TENM2: variants seen among roughly 807,000 people sequenced by gnomAD.
The protein encoded by TENM2 is teneurin-2.
Under a neutral mutation model 245.2 loss-of-function variants are expected in TENM2, and 52 were observed. That is an observed-to-expected ratio of 0.21 (90% CI 0.17 to 0.27). TENM2 has a LOEUF of 0.27. Ranked by LOEUF, TENM2 falls within the 10% of genes least tolerant of loss-of-function variation. TENM2 has a pLI of 1.00. For missense variants in TENM2, 3,046 were observed against 3,666.8 expected (o/e 0.83, Z 4.37); for synonymous variants, 1,363 against 1,438.9 (o/e 0.95, Z 1.19).
intron 3 of TENM2, among the ~76,000 whole-genome samples, chr5:167,884,317 G>A (rs890690063): frequency 6.6e-6 from 1 of 152,078 alleles, no homozygotes; most frequent in Non-Finnish European, 1.5e-5. Context: ...CTTTAAGTAT[G>A]TTCACATTGT....
At chr5:167,893,759 G>C (rs1193201348) in intron 3 of TENM2, among the ~76,000 whole-genome samples, 2 of 151,972 alleles carry the variant, frequency 1.3e-5, no homozygotes, top group Non-Finnish European at 2.9e-5. Context: ...AATCATTCAA[G>C]TATGGGATGC....
intron 2 of TENM2, among the ~76,000 whole-genome samples, chr5:167,445,902 T>A (rs1447488594): frequency 1.3e-5 from 2 of 152,156 alleles, no homozygotes; most frequent in Non-Finnish European, 2.9e-5. Context: ...CAGTCTGGCC[T>A]GGTTTCTTCT....
At chr5:167,962,836 CCATGACA>C (rs565438864) in intron 4 of TENM2, among the ~76,000 whole-genome samples, 4 of 152,234 alleles carry the variant, frequency 2.6e-5, no homozygotes, top group African/African-American at 9.6e-5. Context: ...TGGGTCCCTC[CCATGACA>C]CATGGGAATT....
chr5:167,255,407 T>C, the TENM2 span, among the ~76,000 whole-genome samples: 1 of 152,150 alleles, frequency 6.6e-6, no homozygotes, highest in Admixed American at 6.6e-5. Flanking sequence ...GGGTGATTGC[T>C]AAAAGCCCAT....
At chr5:167,927,010 A>C (rs1394149111) in intron 3 of TENM2, among the ~76,000 whole-genome samples, 2 of 152,076 alleles carry the variant, frequency 1.3e-5, no homozygotes, top group Non-Finnish European at 2.9e-5. Context: ...TGATATTTTT[A>C]ATTTTTAATT....
intron 1 of TENM2, among the ~76,000 whole-genome samples, chr5:167,318,920 T>C (rs1756544283): frequency 6.6e-6 from 1 of 152,204 alleles, no homozygotes; most frequent in Non-Finnish European, 1.5e-5. Flanking sequence ...TTCCATTAAG[T>C]TGATAGAACG....
intron 2 of TENM2, among the ~76,000 whole-genome samples, chr5:167,460,266 A>G (rs1187922113): frequency 6.6e-6 from 1 of 152,218 alleles, no homozygotes; most frequent in African/African-American, 2.4e-5. Context: ...TGTTTATGAT[A>G]TCTTAAATGT....
At chr5:167,892,959 A>T (rs1774878338) in intron 3 of TENM2, among the ~76,000 whole-genome samples, 1 of 152,184 alleles carries the variant, frequency 6.6e-6, no homozygotes, top group Non-Finnish European at 1.5e-5. Context: ...TGAACAGTGG[A>T]ATCAGCACTC....
chr5:167,507,976 G>A (rs1323190652), intron 2 of TENM2, among the ~76,000 whole-genome samples: 2 of 152,038 alleles, frequency 1.3e-5, no homozygotes, highest in African/African-American at 4.8e-5. Context: ...TTAGCGGAAT[G>A]AGAAATTACT....
chr5:168,162,364 C>T (rs1005736433), intron 12 of TENM2, among the ~76,000 whole-genome samples: 4 of 152,240 alleles, frequency 2.6e-5, no homozygotes, highest in Admixed American at 6.5e-5. Flanking sequence ...TTGAACTCCC[C>T]GCTTTGGGAA....
chr5:168,210,298 T>C (rs770631485), intron 19 of TENM2, among the ~76,000 whole-genome samples: 1 of 152,066 alleles, frequency 6.6e-6, no homozygotes, highest in Non-Finnish European at 1.5e-5. Context: ...CCCTTCTCCT[T>C]CCCCCAACAT....
intron 3 of TENM2, among the ~76,000 whole-genome samples, chr5:167,920,341 G>A (rs11949542): frequency 0.28 from 38,590 of 135,932 alleles, 6,311 homozygotes; most frequent in East Asian, 0.47. Context: ...AAAAAAAAAA[G>A]AAAAAAAAAG....
chr5:168,199,872 T>C, exon 17 of TENM2: 1 of 1,613,758 alleles, frequency 6.2e-7, no homozygotes, highest in Non-Finnish European at 8.5e-7. Flanking sequence ...AGGTTCTTCA[T>C]GAAGAAATCG....
In TENM2 at chr5:168,195,307, T is replaced by C. The variant is rs187501119; in HGVS notation, c.2900+12T>C. On this transcript the variant is annotated intron_variant, in intron 15 of 28. Coordinates refer to ENST00000518659, the Ensembl canonical transcript of TENM2. ...CGCCAGGATGGCACGTGAGTAGCTT[T>C]GTGGGGCTCGGACCTACTCAGGACC... 1.5e-4 allele frequency: 238 copies of C among 1,572,574 alleles called. No individual in the cohort carries two copies. The highest frequency in any genetic ancestry group is 1.4e-4 in the Non-Finnish European group (165 of 1,157,310).
intron 1 of TENM2, among the ~76,000 whole-genome samples, chr5:167,373,179 T>C (rs181131019): frequency 6.6e-6 from 1 of 152,292 alleles, no homozygotes; most frequent in East Asian, 1.9e-4. Flanking sequence ...CACAACCAAA[T>C]TAGGCTGGGA....
chr5:167,370,211 G>A (rs1357953422), intron 1 of TENM2, among the ~76,000 whole-genome samples: 1 of 151,610 alleles, frequency 6.6e-6, no homozygotes, highest in Non-Finnish European at 1.5e-5. Flanking sequence ...GTGTAGTGGC[G>A]GGTGCCTGTA....
intron 1 of TENM2, among the ~76,000 whole-genome samples, chr5:167,359,819 G>A (rs1278005583): frequency 1.3e-5 from 2 of 152,222 alleles, no homozygotes; most frequent in East Asian, 1.9e-4. Flanking sequence ...TTTACACCAT[G>A]GAATACTATG....
chr5:167,716,919 T>A (rs149314072), intron 2 of TENM2, among the ~76,000 whole-genome samples: 1 of 107,584 alleles, frequency 9.3e-6, no homozygotes, highest in Non-Finnish European at 2.0e-5. Context: ...TTATTTTATT[T>A]TATTTTATTT....
the TENM2 span, among the ~76,000 whole-genome samples, chr5:167,039,267 A>G: frequency 6.6e-6 from 1 of 152,118 alleles, no homozygotes; most frequent in African/African-American, 2.4e-5. Flanking sequence ...TGACTGGCTC[A>G]ATGCAAGATA....
Sources: gnomAD v4.1 joint callset for allele counts (sites outside exome capture counted in the v4.1 genomes callset) on GRCh38, gnomAD v4.1.1 for gene constraint, MANE v1.5 for transcripts, NCBI Gene and HGNC (gene_info 2026-07-23, HGNC 2026-07-21) for gene names.